SLC4A4: variants seen among roughly 807,000 people sequenced by gnomAD.
SLC4A4 encodes electrogenic sodium bicarbonate cotransporter 1.
In SLC4A4, 27 loss-of-function variants were observed where a neutral mutation model predicts 111.5. That is an observed-to-expected ratio of 0.24 (90% CI 0.18 to 0.33). SLC4A4 has a LOEUF of 0.33. Ranked by LOEUF, SLC4A4 falls within the 10% of genes least tolerant of loss-of-function variation. The pLI is 1.00. For missense variants in SLC4A4, 909 were observed against 1,315.5 expected (o/e 0.69, Z 4.78); for synonymous variants, 443 against 463.4 (o/e 0.96, Z 0.57).
intron 1 of SLC4A4, among the ~76,000 whole-genome samples, chr4:71,206,475 A>C (rs1387462353): frequency 6.6e-6 from 1 of 152,176 alleles, no homozygotes; most frequent in Non-Finnish European, 1.5e-5. Context: ...AGAATTTTAT[A>C]AGTGCTTATC....
intron 1 of SLC4A4, among the ~76,000 whole-genome samples, chr4:71,076,090 C>T (rs78261601): frequency 6.6e-6 from 1 of 152,076 alleles, no homozygotes; most frequent in Non-Finnish European, 1.5e-5. Context: ...CACAACCTAA[C>T]AAATTATATT....
chr4:71,091,514 A>G (rs943167092), intron 1 of SLC4A4, among the ~76,000 whole-genome samples: 1 of 151,888 alleles, frequency 6.6e-6, no homozygotes, highest in Non-Finnish European at 1.5e-5. Flanking sequence ...CGGCCTCCCA[A>G]AGTGCTGGGA....
chr4:71,474,133 A>G (rs1410384679), intron 14 of SLC4A4, among the ~76,000 whole-genome samples: 7 of 136,212 alleles, frequency 5.1e-5, no homozygotes, highest in Admixed American at 7.5e-5. Context: ...AAAAAAAAAA[A>G]AGAGAAAGGG....
chr4:71,267,996 C>A (rs561270401), intron 3 of SLC4A4, among the ~76,000 whole-genome samples: 1 of 151,122 alleles, frequency 6.6e-6, no homozygotes, highest in South Asian at 2.1e-4. Flanking sequence ...TGCAGAACCA[C>A]TCCCAACTTC....
intron 14 of SLC4A4, among the ~76,000 whole-genome samples, chr4:71,482,187 T>A (rs1728945078): frequency 6.6e-6 from 1 of 151,702 alleles, no homozygotes; most frequent in Non-Finnish European, 1.5e-5. Flanking sequence ...TTACTTTTAA[T>A]CTTGTTTATG....
intron 1 of SLC4A4, among the ~76,000 whole-genome samples, chr4:71,195,865 G>T (rs555140214): frequency 6.6e-6 from 1 of 152,342 alleles, no homozygotes; most frequent in Admixed American, 6.5e-5. Context: ...GTGCCCTTCA[G>T]CATGGAAATC....
At chr4:71,156,483 ACT>A (rs150445609) in intron 2 of SLC4A4, among the ~76,000 whole-genome samples, 2,015 of 151,828 alleles carry the variant, frequency 0.013, 42 homozygotes, top group African/African-American at 0.047. Context: ...ACTACAATTG[ACT>A]CTGATACAAT....
intron 2 of SLC4A4, among the ~76,000 whole-genome samples, chr4:71,246,276 C>T (rs534707932): frequency 2.0e-5 from 3 of 152,212 alleles, no homozygotes; most frequent in Admixed American, 1.3e-4. Flanking sequence ...ATGATTTCCT[C>T]GAGGTAACCT....
chr4:71,091,257 T>C (rs1252419024), intron 1 of SLC4A4, among the ~76,000 whole-genome samples: 1 of 149,136 alleles, frequency 6.7e-6, no homozygotes, highest in African/African-American at 2.5e-5. Context: ...CTTGAAATTT[T>C]TTTTTTTTTT....
intron 18 of SLC4A4, among the ~76,000 whole-genome samples, chr4:71,545,730 G>A (rs1009460883): frequency 1.4e-4 from 22 of 151,956 alleles, no homozygotes; most frequent in Admixed American, 6.6e-5. Flanking sequence ...CACATATTAT[G>A]AAAGCTGAGA....
chr4:71,142,297 C>T (rs958565228), intron 2 of SLC4A4, among the ~76,000 whole-genome samples: 3 of 152,182 alleles, frequency 2.0e-5, no homozygotes, highest in Non-Finnish European at 4.4e-5. Flanking sequence ...CATATTAAAA[C>T]TAAAACTAAA....
chr4:71,162,231 T>C (rs1744633346), intron 2 of SLC4A4, among the ~76,000 whole-genome samples: 1 of 152,078 alleles, frequency 6.6e-6, no homozygotes, highest in African/African-American at 2.4e-5. Flanking sequence ...ATACCGTCAC[T>C]CCCACCACCG....
chr4:71,406,939 A>G (rs1720907964), intron 7 of SLC4A4, among the ~76,000 whole-genome samples: 1 of 152,146 alleles, frequency 6.6e-6, no homozygotes, highest in Admixed American at 6.5e-5. Context: ...AATTACAACT[A>G]ATGCTTTGGG....
chr4:71,143,344 A>G (rs1357192194), intron 2 of SLC4A4, among the ~76,000 whole-genome samples: 1 of 152,068 alleles, frequency 6.6e-6, no homozygotes, highest in Non-Finnish European at 1.5e-5. Flanking sequence ...AATCCAGTCT[A>G]TCATTGTTGG....
At chr4:71,178,951 C>G (rs931574954) in intron 2 of SLC4A4, among the ~76,000 whole-genome samples, 2 of 152,112 alleles carry the variant, frequency 1.3e-5, no homozygotes, top group Non-Finnish European at 2.9e-5. Context: ...TGCAAAAATC[C>G]TCAATAAAAT....
chr4:71,099,060 C>T (rs574828641), intron 2 of SLC4A4, among the ~76,000 whole-genome samples: 73 of 152,172 alleles, frequency 4.8e-4, no homozygotes, highest in African/African-American at 1.7e-3. Flanking sequence ...TGACGCAGAA[C>T]ATTAACAAAA....
At chr4:71,077,646 C>T (rs1479467411) in intron 1 of SLC4A4, among the ~76,000 whole-genome samples, 1 of 152,128 alleles carries the variant, frequency 6.6e-6, no homozygotes, top group African/African-American at 2.4e-5. Flanking sequence ...GTGTTAGAGA[C>T]AATCAATATT....
chr4:71,343,938 G>A (rs1247977693), intron 4 of SLC4A4, among the ~76,000 whole-genome samples: 1 of 151,790 alleles, frequency 6.6e-6, no homozygotes, highest in Non-Finnish European at 1.5e-5. Flanking sequence ...AGTTATCTGC[G>A]TGGCCCATGT....
At chr4:71,093,721 T>C (rs10012762) in intron 2 of SLC4A4, among the ~76,000 whole-genome samples, 13,948 of 152,234 alleles carry the variant, frequency 0.092, 792 homozygotes, top group African/African-American at 0.16. Flanking sequence ...ATTTTCCCCC[T>C]TTGTGTCTTG....
Sources: gnomAD v4.1 joint callset for allele counts (sites outside exome capture counted in the v4.1 genomes callset) on GRCh38, gnomAD v4.1.1 for gene constraint, MANE v1.5 for transcripts, NCBI Gene and HGNC (gene_info 2026-07-23, HGNC 2026-07-21) for gene names.